Variants in FAAH2 observed in about 807,000 individuals in gnomAD.
The protein encoded by FAAH2 is fatty-acid amide hydrolase 2.
FAAH2 carries 60 observed loss-of-function variants against 36.9 expected under a neutral mutation model. The observed-to-expected ratio is 1.63, with a 90% CI of 1.32 to 2.02. The LOEUF (loss-of-function observed/expected upper bound fraction) is 2.02. Ranked by LOEUF, FAAH2 falls within the 30% of genes most tolerant of loss-of-function variation. The pLI is 0.00. For synonymous variants in FAAH2, 214 were observed against 143.8 expected (o/e 1.49, Z -3.49); for missense variants, 689 against 397.5 (o/e 1.73, Z -6.23).
intron 5 of FAAH2, among the ~76,000 whole-genome samples, chrX:57,348,317 C>T (rs186556613): frequency 3.6e-5 from 4 of 111,004 alleles, no homozygotes; most frequent in East Asian, 5.7e-4. Context: ...AAGCCCATCA[C>T]GACCACTGCC....
intron 10 of FAAH2, among the ~76,000 whole-genome samples, chrX:57,470,607 A>C (rs1170862843): frequency 1.8e-5 from 2 of 111,484 alleles, no homozygotes; most frequent in Non-Finnish European, 3.8e-5. Flanking sequence ...AATAATTAAT[A>C]GCCTACCAAC....
At chrX:57,251,341 G>A in the FAAH2 span, among the ~76,000 whole-genome samples, 5 of 111,571 alleles carry the variant, frequency 4.5e-5, no homozygotes, top group Non-Finnish European at 7.5e-5. Flanking sequence ...AGAGTTAGTA[G>A]GAAGGTACCT....
At chrX:57,437,459 A>G (rs2056432946) in intron 8 of FAAH2, among the ~76,000 whole-genome samples, 1 of 110,143 alleles carries the variant, frequency 9.1e-6, no homozygotes, top group Non-Finnish European at 1.9e-5. Context: ...ATCTGACTAT[A>G]TAATCTTATA....
chrX:57,445,604 G>T (rs1430093177), intron 8 of FAAH2, among the ~76,000 whole-genome samples: 1 of 111,508 alleles, frequency 9.0e-6, no homozygotes, highest in African/African-American at 3.3e-5. Context: ...CACTAGAGTG[G>T]GTCTAGAAAG....
At chrX:57,170,439 A>T in the FAAH2 span, among the ~76,000 whole-genome samples, 5 of 110,942 alleles carry the variant, frequency 4.5e-5, no homozygotes, top group East Asian at 2.8e-4. Flanking sequence ...GACTATTTTA[A>T]TTTTTTTATT....
At chrX:57,268,888 C>A in the FAAH2 span, among the ~76,000 whole-genome samples, 1 of 111,346 alleles carries the variant, frequency 9.0e-6, no homozygotes, top group East Asian at 2.8e-4. Context: ...CCACACATAT[C>A]AATACTGATT....
At position 57,409,760 on chromosome X, in the gene FAAH2, TTTTTA is replaced by T. The variant is rs201094600; in HGVS notation, c.997-22149_997-22145del. ...CCACTTGTTATGTCTACTTGTTTAT[TTTTTA>T]TTTTATTTATTTGAGTCTTTTCTAT... is the stretch of plus-strand genomic sequence containing the variant. On this transcript the variant is annotated intron_variant, in intron 7 of 10. Transcript: ENST00000374900. Among the ~76,000 whole-genome samples the T allele has an allele frequency of 1.4e-3, 161 of 111,386 alleles. 1 individual carries two copies. The East Asian group carries it at 0.034, about 23-fold the overall frequency.
intron 8 of FAAH2, among the ~76,000 whole-genome samples, chrX:57,442,719 A>G (rs1462593428): frequency 1.8e-5 from 2 of 111,776 alleles, no homozygotes; most frequent in African/African-American, 6.5e-5. Context: ...AGTTTTTACA[A>G]TTTGGCATGT....
chrX:57,160,749 C>T, the FAAH2 span, among the ~76,000 whole-genome samples: 2 of 111,524 alleles, frequency 1.8e-5, no homozygotes, highest in African/African-American at 6.5e-5. Context: ...TCTTGCTTCT[C>T]TCTTTTCTTT....
chrX:57,157,864 TATACTTTAAGTTTTAGGGTACATGTGC>T, the FAAH2 span, among the ~76,000 whole-genome samples: 1 of 111,097 alleles, frequency 9.0e-6, no homozygotes. Flanking sequence ...TTTTTTATAT[TATACTTTAAGTTTTAGGGTACATGTGC>T]ACAATGTGCA....
At chrX:57,468,001 C>A (rs771231258) in intron 10 of FAAH2, among the ~76,000 whole-genome samples, 1 of 111,833 alleles carries the variant, frequency 8.9e-6, no homozygotes, top group Non-Finnish European at 1.9e-5. Flanking sequence ...CTGGAGTGGA[C>A]CTCCAGCAAA....
the FAAH2 span, among the ~76,000 whole-genome samples, chrX:57,201,684 C>A: frequency 9.1e-6 from 1 of 110,440 alleles, no homozygotes; most frequent in African/African-American, 3.3e-5. Context: ...ACATTTTTTT[C>A]TTTAGGTTTG....
intron 7 of FAAH2, among the ~76,000 whole-genome samples, chrX:57,413,699 C>T (rs2055760721): frequency 8.9e-6 from 1 of 111,893 alleles, no homozygotes; most frequent in African/African-American, 3.3e-5. Context: ...TGTACAGGCT[C>T]TTTTTTGTTT....
intron 4 of FAAH2, among the ~76,000 whole-genome samples, chrX:57,332,087 A>G (rs1327025592): frequency 8.9e-6 from 1 of 112,296 alleles, no homozygotes; most frequent in Non-Finnish European, 1.9e-5. Context: ...TTTAGAGACT[A>G]GGAAAAAAAA....
rs777979408 is a variant in FAAH2 at position 57,395,892 on chromosome X, G to C, written c.996+14863G>C. On this transcript the variant is annotated intron_variant, in intron 7 of 10. Transcript: ENST00000374900. ...AGTTAGAGAGGAATTGTTCTTCCTT[G>C]ATTTTTTGGCATAATTTAAGTAAGA... 8.9e-5 allele frequency among the ~76,000 whole-genome samples: 10 copies of C among 111,841 alleles called. No homozygotes were observed. In the East Asian group the frequency reaches 2.5e-3, roughly 28 times the overall value.
chrX:57,471,992 A>G (rs995206090), intron 10 of FAAH2, among the ~76,000 whole-genome samples: 4 of 112,193 alleles, frequency 3.6e-5, no homozygotes, highest in African/African-American at 1.3e-4. Context: ...AGAAATGAGG[A>G]AAGGATTCCC....
chrX:57,390,410 T>C (rs1356612119), intron 7 of FAAH2, among the ~76,000 whole-genome samples: 3 of 111,519 alleles, frequency 2.7e-5, no homozygotes, highest in Non-Finnish European at 5.7e-5. Context: ...ATGGTGAAGT[T>C]TGGGCTTCTA....
chrX:57,215,413 C>A, the FAAH2 span, among the ~76,000 whole-genome samples: 6 of 111,628 alleles, frequency 5.4e-5, no homozygotes. Flanking sequence ...GTGGCAATTC[C>A]TCAAAAACCT....
At chrX:57,485,933 A>T (rs1048695090) in intron 10 of FAAH2, among the ~76,000 whole-genome samples, 2 of 111,826 alleles carry the variant, frequency 1.8e-5, no homozygotes, top group Non-Finnish European at 3.8e-5. Flanking sequence ...AACTGATAGC[A>T]ACCCTGGACA....
Sources: allele counts gnomAD v4.1 joint callset (sites outside exome capture counted in the v4.1 genomes callset), GRCh38; gene constraint gnomAD v4.1.1; transcripts MANE v1.5; gene names NCBI Gene and HGNC (gene_info 2026-07-23, HGNC 2026-07-21).